Variants in DZIP3 observed in about 807,000 individuals in gnomAD.
DZIP3 encodes the protein E3 ubiquitin-protein ligase DZIP3.
Under a neutral mutation model 162.0 loss-of-function variants are expected in DZIP3, and 118 were observed. That is an observed-to-expected ratio of 0.73 (90% CI 0.63 to 0.85). The LOEUF (loss-of-function observed/expected upper bound fraction) is 0.85, where lower values mean the gene tolerates loss of function less well. DZIP3 is among the 40% of genes least tolerant of loss of function. The pLI, the probability that DZIP3 is intolerant of heterozygous loss-of-function variation, is 0.00. For synonymous variants in DZIP3, 438 were observed against 458.6 expected, an observed-to-expected ratio of 0.96 and a Z score of 0.57; for missense variants, 1,331 against 1,407.0, an observed-to-expected ratio of 0.95 and a Z score of 0.86.
At chr3:108,594,713 A>G (rs1559712865) in intron 1 of DZIP3, among the ~76,000 whole-genome samples, 1 of 152,092 alleles carries the variant, frequency 6.6e-6, no homozygotes, top group East Asian at 1.9e-4. Context: ...TCTTGCATTA[A>G]TTTGCTAAGG....
At chr3:108,628,980 A>G in intron 7 of DZIP3, 82 bp from the exon 8 acceptor site, 1 of 813,636 alleles carries the variant, frequency 1.2e-6, no homozygotes, top group South Asian at 2.1e-5. Context: ...ACCACAAAAA[A>G]AGGGTTATTT....
intron 18 of DZIP3, among the ~76,000 whole-genome samples, chr3:108,652,747 A>G (rs1032055921): frequency 5.9e-5 from 9 of 151,850 alleles, no homozygotes; most frequent in Admixed American, 4.6e-4. Flanking sequence ...GTTATGTTTT[A>G]TATTGTATTT....
In DZIP3 at chr3:108,633,788, T is replaced by C. The variant is rs1302522187; in HGVS notation, c.816+716T>C. Among the ~76,000 whole-genome samples the C allele has an allele frequency of 1.6e-4, 15 of 95,306 alleles. No individual in the cohort carries two copies. In the South Asian group the frequency reaches 3.3e-3, roughly 21 times the overall value. The allele number at this position is 95,306 out of a possible 152,430, so 62.5% of individuals were successfully genotyped here. ...TCTCTCTCTGGATCTATCAGAGTAC[T>C]TCTGATAGATCTCTCTCTCTCTGGA... On this transcript the variant is annotated intron_variant, in intron 9 of 32. Coordinates refer to ENST00000361582, the MANE Select transcript of DZIP3 (RefSeq NM_014648.4).
At chr3:108,691,580 C>T (rs1197488749) in intron 32 of DZIP3, among the ~76,000 whole-genome samples, 1 of 152,012 alleles carries the variant, frequency 6.6e-6, no homozygotes. Flanking sequence ...ACAGTGGGTA[C>T]CTCTAGAATG....
At chr3:108,627,645 C>G (rs999231933) in intron 7 of DZIP3, among the ~76,000 whole-genome samples, 2 of 152,178 alleles carry the variant, frequency 1.3e-5, no homozygotes, top group African/African-American at 4.8e-5. Context: ...GAAAGTAAAT[C>G]TTGAATTACG....
intron 16 of DZIP3, 22 bp from the exon 17 acceptor site, chr3:108,648,896 T>C (rs1171169478): frequency 8.9e-7 from 1 of 1,125,528 alleles, no homozygotes; most frequent in Non-Finnish European, 1.2e-6. Flanking sequence ...ACATATTTAA[T>C]AAATAATTTT....
chr3:108,689,053 T>C, intron 31 of DZIP3, 129 bp downstream of exon 31: 1 of 867,960 alleles, frequency 1.2e-6, no homozygotes, highest in Non-Finnish European at 1.8e-6. Context: ...AGCTTTTGGG[T>C]ACCACACAGA....
rs371927611 is a variant in DZIP3, at chr3:108,680,757, T to C, written c.2883+3159T>C. 2.7e-4 allele frequency among the ~76,000 whole-genome samples: 41 copies of C among 152,222 alleles called. No individual in the cohort carries two copies. In the East Asian group the frequency reaches 4.8e-3, roughly 18 times the overall value. On this transcript the variant is annotated intron_variant, in intron 26 of 32. Coordinates refer to ENST00000361582, the MANE Select transcript of DZIP3 (RefSeq NM_014648.4). ...ATAGCTACTGGTACCAAAACAGATA[T>C]ATAGACCAATGGAACAGAACAGAAG...
intron 10 of DZIP3, chr3:108,635,227 G>C (rs1196304821): frequency 7.4e-6 from 2 of 269,958 alleles, no homozygotes; most frequent in Non-Finnish European, 1.4e-5. Context: ...TAGTTGGTTT[G>C]CTTAGTGGTT....
At chr3:108,607,842 G>A (rs62266419) in intron 2 of DZIP3, among the ~76,000 whole-genome samples, 45,382 of 151,844 alleles carry the variant, frequency 0.3, 7,321 homozygotes, top group East Asian at 0.45. Context: ...CTGCATATCT[G>A]TTAAGGATGC....
At position 108,688,672 on chromosome 3, in the gene DZIP3, CA is replaced by C; in HGVS notation, c.3354del (p.Lys1118AsnfsTer32). 6.2e-7 allele frequency: 1 copy of C among 1,614,146 alleles called. No individual in the cohort carries two copies. Among genetic ancestry groups the C allele is most frequent in the Non-Finnish European group, 8.5e-7 (1 of 1,180,018 alleles). On this transcript the variant is annotated frameshift_variant, in exon 30 of 33. Transcript: ENST00000361582. LOFTEE classifies it high-confidence loss of function. The stretch of plus-strand genomic sequence containing the variant: ...TCACAGCCTGATGCTGCCCAGCCCC[CA>C]AAACCAGCCTGGAGGCCACTCACTT... The part of the protein sequence containing the change: ...SPSQPDAAQP[P>X]KPAWRPLTSQ...
At chr3:108,682,416 A>C (rs759841403) in intron 26 of DZIP3, among the ~76,000 whole-genome samples, 55 of 151,086 alleles carry the variant, frequency 3.6e-4, no homozygotes, top group Non-Finnish European at 3.1e-4. Flanking sequence ...ATATATACAC[A>C]ATGAAATACT....
upstream of DZIP3, chr3:108,589,648 C>T (rs1939261928): frequency 6.3e-6 from 2 of 316,576 alleles, no homozygotes; most frequent in South Asian, 5.8e-5. Context: ...GAGGTTTCGG[C>T]CTGAGATCCC....
chr3:108,618,668 T>G (rs925768870), intron 5 of DZIP3, among the ~76,000 whole-genome samples: 5 of 152,184 alleles, frequency 3.3e-5, no homozygotes, highest in Non-Finnish European at 2.9e-5. Flanking sequence ...TGAGATCAGT[T>G]TGAAGCCAAA....
Position 108,644,696 on chromosome 3 carries a change from C to A in DZIP3, c.1674C>A (p.Ile558=). The A allele has an allele frequency of 6.2e-7, 1 of 1,613,418 alleles. No homozygotes were observed. Among genetic ancestry groups the A allele is most frequent in the Non-Finnish European group, 8.5e-7 (1 of 1,179,880 alleles). ...DKVKENPIEN[I]SLDYHQLSVY... ...TGAAGGAGAATCCCATTGAGAATATCTCCCTTGATTACCATCAGCTATCTG... is the reference window on the plus strand; with the variant it reads ...TGAAGGAGAATCCCATTGAGAATATATCCCTTGATTACCATCAGCTATCTG... Residue 558 remains isoleucine (I), a synonymous_variant, in exon 14 of 33, where the codon ATC becomes ATA. Coordinates refer to ENST00000361582, the MANE Select transcript of DZIP3 (RefSeq NM_014648.4).
intron 3 of DZIP3, among the ~76,000 whole-genome samples, chr3:108,609,130 A>G (rs1032870627): frequency 2.0e-5 from 3 of 152,190 alleles, no homozygotes; most frequent in Admixed American, 6.6e-5. Flanking sequence ...CACCCCCATG[A>G]TCCAATCACC....
Position 108,616,543 on chromosome 3 carries a change from A to T in DZIP3, c.261A>T (p.Arg87Ser), listed in dbSNP as rs1266525361. ...TTTAACTGAATAATTTTCCACAGAG[A>T]GAAGTTGCAGCTAACAGCCAGAATG... ...QEDFSFQTMQ[R>S]EVAANSQNGE... Residue 87 changes from arginine to serine, a missense_variant and splice_region_variant, in exon 5 of 33, where the codon AGA (arginine) becomes AGT (serine). Around this residue, in one of 2 missense-constraint regions of DZIP3, gnomAD observed 1,278 missense variants for 1,317.1 expected, o/e 0.97. Transcript: ENST00000361582. 2.5e-6 allele frequency: 4 copies of T among 1,602,836 alleles called. No homozygotes were observed. The highest frequency in any genetic ancestry group is 2.3e-5 in the East Asian group (1 of 44,312).
chr3:108,600,304 G>A (rs552963478), intron 1 of DZIP3, among the ~76,000 whole-genome samples: 8 of 151,810 alleles, frequency 5.3e-5, no homozygotes, highest in African/African-American at 1.9e-4. Context: ...TAACCAAGTT[G>A]CATGTTCAAG....
At chr3:108,608,878 A>G (rs1382619071) in intron 3 of DZIP3, among the ~76,000 whole-genome samples, 3 of 152,184 alleles carry the variant, frequency 2.0e-5, no homozygotes, top group African/African-American at 7.2e-5. Flanking sequence ...GGTAATTTAT[A>G]AAGAAAAGAG....
Sources: gnomAD v4.1 joint callset for allele counts (sites outside exome capture counted in the v4.1 genomes callset) on GRCh38, gnomAD v4.1.1 for gene constraint, gnomAD v4.1.1 regional missense constraint, MANE v1.5 for transcripts, NCBI Gene and HGNC (gene_info 2026-07-23, HGNC 2026-07-21) for gene names.